SNAP29: variants seen among roughly 807,000 people sequenced by gnomAD.
SNAP29 encodes the protein synaptosomal-associated protein 29.
SNAP29 carries 13 observed loss-of-function variants against 27.9 expected under a neutral mutation model. The ratio of observed to expected loss-of-function variants is 0.47; its 90% confidence interval spans 0.30 to 0.74. SNAP29 has a LOEUF of 0.74. Among genes scored for constraint, SNAP29 ranks in the 30% least tolerant of loss-of-function variants. SNAP29 has a pLI of 0.06. For missense variants in SNAP29, 368 were observed against 336.5 expected (o/e 1.09, Z -0.73); for synonymous variants, 119 against 127.1 (o/e 0.94, Z 0.43).
intron 1 of SNAP29, among the ~76,000 whole-genome samples, chr22:20,862,302 A>G (rs951852093): frequency 6.6e-6 from 1 of 152,250 alleles, no homozygotes; most frequent in African/African-American, 2.4e-5. Context: ...GGAATCAATG[A>G]TTCAAAGTAG....
chr22:20,885,587 C>G (rs1320485884), intron 4 of SNAP29, among the ~76,000 whole-genome samples: 1 of 152,196 alleles, frequency 6.6e-6, no homozygotes, highest in Non-Finnish European at 1.5e-5. Flanking sequence ...TTGGTGCCTG[C>G]TGGCAGAAGT....
rs575240461 is a variant in SNAP29 at position 20,888,311 on chromosome 22, TCACACACACACACACACACA to T, written c.*501_*520del. The T allele has an allele frequency of 1.6e-3, 276 of 174,664 alleles. 1 individual carries two copies. Among genetic ancestry groups the T allele is most frequent in the African/African-American group, 7.7e-3 (229 of 29,848 alleles). 10.8% of individuals were successfully genotyped at this position (174,664 alleles called of 1,614,324 possible). A position where few individuals can be genotyped will look rare whatever the true frequency, so the allele number is the denominator to read the frequency against. ...CACACCTTTGTTTAGGAGTCATCAT[TCACACACACACACACACACA>T]CACACACACACACACACACACACAC... On this transcript the variant is annotated 3_prime_UTR_variant, in exon 5 of 5. Transcript: ENST00000215730.
At chr22:20,862,775 G>A (rs1601644175) in intron 1 of SNAP29, among the ~76,000 whole-genome samples, 2 of 152,286 alleles carry the variant, frequency 1.3e-5, no homozygotes, top group African/African-American at 4.8e-5. Flanking sequence ...CAACATGTTG[G>A]AATTTTCCAG....
chr22:20,876,724 C>T (rs904991197), intron 2 of SNAP29, among the ~76,000 whole-genome samples: 8 of 152,070 alleles, frequency 5.3e-5, no homozygotes, highest in Admixed American at 3.3e-4. Context: ...CCCGCCACCA[C>T]GCCCGGCTAA....
At chr22:20,879,935 T>C (rs1928852266) in intron 2 of SNAP29, among the ~76,000 whole-genome samples, 1 of 148,864 alleles carries the variant, frequency 6.7e-6, no homozygotes. Flanking sequence ...GGTGGGAGGA[T>C]CACGAGCCTA....
intron 2 of SNAP29, among the ~76,000 whole-genome samples, chr22:20,877,215 G>A (rs2147868778): frequency 6.6e-6 from 1 of 152,202 alleles, no homozygotes; most frequent in Non-Finnish European, 1.5e-5. Flanking sequence ...AAAGTCAGGT[G>A]TTCAAGACCA....
At chr22:20,879,994 CAGAG>C (rs1361206402) in intron 2 of SNAP29, among the ~76,000 whole-genome samples, 2 of 146,572 alleles carry the variant, frequency 1.4e-5, no homozygotes, top group Admixed American at 6.9e-5. Context: ...AACTTGGTGA[CAGAG>C]AGAGACCCTA....
rs187312394 is a variant in SNAP29, at chr22:20,883,528, C to G, written c.578C>G (p.Pro193Arg). 1 of 1,613,684 alleles carries G rather than the reference C, an allele frequency of 6.2e-7. No homozygotes were observed. The highest frequency in any genetic ancestry group is 1.3e-5 in the African/African-American group (1 of 75,024). The change falls in exon 4 of 5, where the codon CCA becomes CGA. Residue 193 changes from proline to arginine, a missense_variant. By Grantham distance (103) the Pro-to-Arg change is moderately radical. Coordinates refer to ENST00000215730, the MANE Select transcript of SNAP29 (RefSeq NM_004782.4). ...AGTACTGATGCTTACCCAAAGAACC[C>G]ACACCTTCGAGCCTATCACCAGAAG... is the stretch of plus-strand genomic sequence containing the variant. ...AMSTDAYPKN[P>R]HLRAYHQKID...
At chr22:20,869,851 A>G (rs928052953) in intron 1 of SNAP29, among the ~76,000 whole-genome samples, 1 of 151,194 alleles carries the variant, frequency 6.6e-6, no homozygotes, top group African/African-American at 2.4e-5. Flanking sequence ...GCTCACTGCA[A>G]CCTCTGCCTT....
intron 4 of SNAP29, 151 bp downstream of exon 4, chr22:20,883,720 GTC>G: frequency 1.4e-6 from 1 of 703,394 alleles, no homozygotes; most frequent in East Asian, 2.6e-5. Context: ...CCACCTCACT[GTC>G]TCTGGAATCT....
At chr22:20,864,909 G>C (rs1408112595) in intron 1 of SNAP29, among the ~76,000 whole-genome samples, 1 of 152,246 alleles carries the variant, frequency 6.6e-6, no homozygotes, top group Non-Finnish European at 1.5e-5. Context: ...TGCCTGTCCT[G>C]TGACCAGAAA....
intron 4 of SNAP29, among the ~76,000 whole-genome samples, chr22:20,887,001 A>G (rs1929032412): frequency 6.6e-6 from 1 of 152,036 alleles, no homozygotes; most frequent in African/African-American, 2.4e-5. Context: ...AGACGGGCGG[A>G]TCACAAGGTA....
chr22:20,878,200 A>G (rs1463034413), intron 2 of SNAP29, among the ~76,000 whole-genome samples: 1 of 152,094 alleles, frequency 6.6e-6, no homozygotes, highest in South Asian at 2.1e-4. Flanking sequence ...ATTGGAAGGG[A>G]GGGAATTGAA....
At chr22:20,871,957 T>C (rs984249784) in intron 2 of SNAP29, among the ~76,000 whole-genome samples, 5 of 152,166 alleles carry the variant, frequency 3.3e-5, no homozygotes, top group Admixed American at 6.5e-5. Flanking sequence ...GAGTTTCTGC[T>C]GAAGTAGATT....
chr22:20,877,577 G>A (rs1424495723), intron 2 of SNAP29, among the ~76,000 whole-genome samples: 9 of 151,808 alleles, frequency 5.9e-5, no homozygotes, highest in East Asian at 3.9e-4. Context: ...TTAGCCGGGC[G>A]TAGTGGCGCT....
rs754317117 is a variant in SNAP29, at chr22:20,887,826, G to A, written c.767G>A (p.Arg256Gln). 10 of 1,613,898 alleles carry A rather than the reference G, an allele frequency of 6.2e-6. No homozygotes were observed. The highest frequency in any genetic ancestry group is 2.2e-5 in the South Asian group (2 of 91,068). ...ATAAAAAGCACAGAAAGAAAAGTTC[G>A]ACAACTCTGAAGACAGACGGATTTC... ...VNIKSTERKV[R>Q]QL The change falls in exon 5 of 5, where the codon CGA becomes CAA. Residue 256 changes from arginine to glutamine, a missense_variant. Coordinates refer to ENST00000215730, the MANE Select transcript of SNAP29 (RefSeq NM_004782.4).
At position 20,875,682 on chromosome 22, in the gene SNAP29, CA is replaced by C. The variant is rs543516939; in HGVS notation, c.434+5150del. Reference sequence around the variant, plus strand: ...TTCAAGGGCCCAGCAGGGCCAGACACAGTGGCTCATGCCTGTTATCCCAACA... The same window carrying C: ...TTCAAGGGCCCAGCAGGGCCAGACACGTGGCTCATGCCTGTTATCCCAACA... On this transcript the variant is annotated intron_variant, in intron 2 of 4. Coordinates refer to ENST00000215730, the MANE Select transcript of SNAP29 (RefSeq NM_004782.4). Among the ~76,000 whole-genome samples the C allele has an allele frequency of 4.4e-3, 672 of 152,324 alleles. 4 individuals are homozygous for C. The highest frequency in any genetic ancestry group is 6.8e-3 in the Non-Finnish European group (465 of 68,034).
At chr22:20,883,643 A>C (rs371316620) in intron 4 of SNAP29, 74 bp downstream of exon 4, 29 of 930,670 alleles carry the variant, frequency 3.1e-5, no homozygotes, top group African/African-American at 2.3e-4. Flanking sequence ...TAGCCCCTGC[A>C]TGAGCATCCT....
intron 2 of SNAP29, among the ~76,000 whole-genome samples, chr22:20,877,197 C>A (rs5996960): frequency 6.6e-6 from 1 of 151,724 alleles, no homozygotes; most frequent in Non-Finnish European, 1.5e-5. Context: ...TTGAGGTGGG[C>A]GGATCACAAA....
Sources: allele counts gnomAD v4.1 joint callset (sites outside exome capture counted in the v4.1 genomes callset), GRCh38; gene constraint gnomAD v4.1.1; transcripts MANE v1.5; gene names NCBI Gene and HGNC (gene_info 2026-07-23, HGNC 2026-07-21).